SYT3: variants seen among roughly 807,000 people sequenced by gnomAD.
SYT3 encodes the protein synaptotagmin 3, also known as synaptotagmin-3.
A neutral mutation model predicts 50.6 loss-of-function variants in SYT3; 25 were observed. The observed-to-expected ratio is 0.49, with a 90% CI of 0.36 to 0.69. SYT3 has a LOEUF of 0.69. Among genes scored for constraint, SYT3 ranks in the 30% least tolerant of loss-of-function variants. The probability of loss-of-function intolerance (pLI) is 0.00; values close to 1 mark genes in which losing one functional copy is unlikely to be tolerated. For synonymous variants in SYT3, 323 were observed against 353.9 expected (o/e 0.91, Z 0.98); for missense variants, 589 against 793.6 (o/e 0.74, Z 3.10).
chr19:50,649,501 C>T, the SYT3 span: 1 of 1,536,210 alleles, frequency 6.5e-7, no homozygotes, highest in Middle Eastern at 1.7e-4. Context: ...CCACCATGCA[C>T]AGGAAGGCAG....
chr19:50,650,187 G>A, the SYT3 span, among the ~76,000 whole-genome samples: 1 of 152,152 alleles, frequency 6.6e-6, no homozygotes, highest in South Asian at 2.1e-4. Context: ...TCACCTCTAG[G>A]ACAGAGACCC....
In SYT3 at chr19:50,637,166, A is replaced by G; in HGVS notation, c.148+98T>C. On this transcript the variant is annotated intron_variant, in intron 3 of 10. Coordinates refer to ENST00000600079, the MANE Select transcript of SYT3 (RefSeq NM_001160329.2). This position sits in a 1 kb window ranked among gnomAD's most constrained non-coding sequence, Gnocchi z 4.9. ...GAATGGGGGCAAGACGCTACGAGGG[A>G]CTGACCCCACAAGCAATGGAAAGCT... 1 of 1,438,702 alleles carries G rather than the reference A, an allele frequency of 7.0e-7. No homozygotes were observed. The highest frequency in any genetic ancestry group is 9.6e-7 in the Non-Finnish European group (1 of 1,047,088). 89.1% of individuals were successfully genotyped at this position (1,438,702 alleles called of 1,614,324 possible).
chr19:50,657,211 C>T, the SYT3 span, among the ~76,000 whole-genome samples: 1 of 152,128 alleles, frequency 6.6e-6, no homozygotes, highest in Non-Finnish European at 1.5e-5. Flanking sequence ...TCAGCTAATC[C>T]GTGTAACTCT....
At chr19:50,635,186 G>A (rs1984456853) in intron 3 of SYT3, among the ~76,000 whole-genome samples, 1 of 152,122 alleles carries the variant, frequency 6.6e-6, no homozygotes, top group African/African-American at 2.4e-5. Flanking sequence ...GGGATTACAG[G>A]TGTGAGCCAC....
the SYT3 span, among the ~76,000 whole-genome samples, chr19:50,647,821 G>A: frequency 7.2e-5 from 11 of 152,164 alleles, no homozygotes; most frequent in African/African-American, 2.7e-4. Context: ...GGTCAGGTGT[G>A]CCTGTGGTCA....
chr19:50,652,966 T>G, the SYT3 span, among the ~76,000 whole-genome samples: 1 of 152,202 alleles, frequency 6.6e-6, no homozygotes, highest in Non-Finnish European at 1.5e-5. Flanking sequence ...GTGCTTCTGT[T>G]TCATCATGTG....
At chr19:50,641,448 C>T (rs1599823686), upstream of SYT3, among the ~76,000 whole-genome samples, 4 of 150,280 alleles carry the variant, frequency 2.7e-5, no homozygotes, top group Admixed American at 6.6e-5. Flanking sequence ...GGATTACAGA[C>T]GTGAGCCACC....
chr19:50,658,054 G>A, the SYT3 span: 1 of 1,536,068 alleles, frequency 6.5e-7, no homozygotes, highest in South Asian at 1.2e-5. Flanking sequence ...CAGGGGCCAT[G>A]GAGAGCGGGC....
rs1984527311 is a variant in SYT3, at chr19:50,637,311, T to C, written c.101A>G (p.Gln34Arg). The change falls in exon 3 of 11, where the codon CAG becomes CGG. Residue 34 changes from glutamine (Q) to arginine (R), a missense_variant. By Grantham distance (43) the Gln-to-Arg change is conservative (BLOSUM62 1). Coordinates refer to ENST00000600079, the MANE Select transcript of SYT3 (RefSeq NM_001160329.2). The surrounding 1 kb of genome is among the most constrained non-coding windows in gnomAD (Gnocchi z 4.9). Reference sequence around the variant, plus strand: ...GCCTCGGATTCGGTCATTGAACTCCTGGCACCTGTCGTTGGTGTCAGCATC... The same window carrying C: ...GCCTCGGATTCGGTCATTGAACTCCCGGCACCTGTCGTTGGTGTCAGCATC... ...VRDADTNDRCQEFNDRIRGYP... is the reference protein window; with the variant it reads ...VRDADTNDRCREFNDRIRGYP... 1 of 1,613,600 alleles carries C rather than the reference T, an allele frequency of 6.2e-7. No individual in the cohort carries two copies.
intron 6 of SYT3, among the ~76,000 whole-genome samples, chr19:50,627,330 C>T (rs977811393): frequency 6.6e-6 from 1 of 152,200 alleles, no homozygotes; most frequent in Non-Finnish European, 1.5e-5. Context: ...TCCCCATAAC[C>T]CTGGCCCCTG....
At position 50,637,367 on chromosome 19, in the gene SYT3, G is replaced by C. The variant is rs1599821023; in HGVS notation, c.45C>G (p.Ile15Met). The C allele has an allele frequency of 6.2e-7, 1 of 1,610,704 alleles. No homozygotes were observed. Among genetic ancestry groups the C allele is most frequent in the East Asian group, 2.2e-5 (1 of 44,800 alleles). The change falls in exon 3 of 11, where the codon ATC becomes ATG. Residue 15 changes from isoleucine (I) to methionine (M), a missense_variant. Around this residue, in one of 2 missense-constraint regions of SYT3, gnomAD observed 316 missense variants for 354.3 expected, o/e 0.89. Coordinates refer to ENST00000600079, the MANE Select transcript of SYT3 (RefSeq NM_001160329.2). The surrounding 1 kb of genome is among the most constrained non-coding windows in gnomAD (Gnocchi z 4.9). ...YEDDLCRRAL[I>M]LVSDLCARVR... The stretch of plus-strand genomic sequence containing the variant: ...CCCGCGCACAGAGGTCCGAGACCAG[G>C]ATGAGTGCCCGCCGGCAGAGGTCAT...
In SYT3 at chr19:50,632,138, G is replaced by A. The variant is rs1334122608; in HGVS notation, c.674+148C>T. On this transcript the variant is annotated intron_variant, in intron 4 of 10. Coordinates refer to ENST00000600079, the MANE Select transcript of SYT3 (RefSeq NM_001160329.2). This position sits in a 1 kb window ranked among gnomAD's most constrained non-coding sequence, Gnocchi z 4.7. ...ACCTCCCTCAGATCCAGGAGTCTAGGGCCCCAGCCTCCTCTTTCCCTAAGA... is the reference window on the plus strand; with the variant it reads ...ACCTCCCTCAGATCCAGGAGTCTAGAGCCCCAGCCTCCTCTTTCCCTAAGA... 5.6e-6 allele frequency: 5 copies of A among 897,628 alleles called. No homozygotes were observed. The highest frequency in any genetic ancestry group is 2.4e-5 in the South Asian group (1 of 42,150). The allele number at this position is 897,628 out of a possible 1,614,324, so 55.6% of individuals were successfully genotyped here. A position where few individuals can be genotyped will look rare whatever the true frequency, so the allele number is the denominator to read the frequency against.
rs753731210 is a variant in SYT3 at position 50,625,180 on chromosome 19, G to C, written c.1689C>G (p.His563Gln). ...MLANPRKPVE[H>Q]WHQLVEEKTV... Reference sequence around the variant, plus strand: ...TACTCACCTCCACTAGCTGATGCCAGTGCTCCACGGGCTTGCGGGGATTGG... The same window carrying C: ...TACTCACCTCCACTAGCTGATGCCACTGCTCCACGGGCTTGCGGGGATTGG... The change falls in exon 9 of 11, where the codon CAC becomes CAG. Residue 563 changes from histidine to glutamine, a missense_variant. Transcript: ENST00000600079. The surrounding 1 kb of genome is among the most constrained non-coding windows in gnomAD (Gnocchi z 7.5). 6 of 1,601,104 alleles carry C rather than the reference G, an allele frequency of 3.7e-6. No individual in the cohort carries two copies. In the South Asian group the frequency reaches 5.5e-5, roughly 15 times the overall value.
chr19:50,650,263 G>A, the SYT3 span, among the ~76,000 whole-genome samples: 1 of 152,158 alleles, frequency 6.6e-6, no homozygotes, highest in Non-Finnish European at 1.5e-5. Context: ...CAGGCTCCTA[G>A]CCCAGCACTT....
At chr19:50,646,592 A>C in the SYT3 span, among the ~76,000 whole-genome samples, 1 of 152,062 alleles carries the variant, frequency 6.6e-6, no homozygotes, top group Non-Finnish European at 1.5e-5. Context: ...AGGTCTGGAG[A>C]AGGAGCAGAT....
chr19:50,626,541 C>A, intron 6 of SYT3, among the ~76,000 whole-genome samples: 2 of 130,768 alleles, frequency 1.5e-5, no homozygotes, highest in Admixed American at 7.9e-5. Flanking sequence ...GGACAGAGAC[C>A]CAGAGAGAGA....
chr19:50,629,333 A>G lies in SYT3; in HGVS notation c.1242T>C (p.Pro414=). The change falls in exon 6 of 11, where the codon CCT becomes CCC. Residue 414 remains proline (P), a synonymous_variant. Transcript: ENST00000600079. ...CGATGTCCCTCCAGAGCGGGCGGTC[A>G]GGGGGCTGCTCGGCCAGCTCCAGGA... ...DNLLELAEQP[P]DRPLWRDIVE... 6.2e-7 allele frequency: 1 copy of G among 1,612,800 alleles called. No homozygotes were observed. The highest frequency in any genetic ancestry group is 8.5e-7 in the Non-Finnish European group (1 of 1,179,362).
chr19:50,625,767 CT>C lies in SYT3; in HGVS notation c.1402+129del. On this transcript the variant is annotated intron_variant, in intron 7 of 10. Coordinates refer to ENST00000600079, the MANE Select transcript of SYT3 (RefSeq NM_001160329.2). This position sits in a 1 kb window ranked among gnomAD's most constrained non-coding sequence, Gnocchi z 7.5. ...AGTCCAGGCCCCTGGCCCCTCCTCC[CT>C]CAGACCCAGGAGTCCAGATCCCCAG... is the stretch of plus-strand genomic sequence containing the variant. 1.3e-4 allele frequency: 104 copies of C among 776,432 alleles called. 11 individuals are homozygous for C. Among genetic ancestry groups the C allele is most frequent in the South Asian group, 2.0e-4 (12 of 59,154 alleles). 48.1% of individuals were successfully genotyped at this position (776,432 alleles called of 1,614,324 possible).
the SYT3 span, among the ~76,000 whole-genome samples, chr19:50,655,244 G>A: frequency 6.6e-6 from 1 of 152,144 alleles, no homozygotes; most frequent in African/African-American, 2.4e-5. Flanking sequence ...CTAGCACTTG[G>A]CCATAAGAGA....
Sources: gnomAD v4.1 joint callset for allele counts (sites outside exome capture counted in the v4.1 genomes callset) on GRCh38, gnomAD v4.1.1 for gene constraint, gnomAD v4.1.1 regional missense constraint, Gnocchi (gnomAD v3.1) non-coding constraint, MANE v1.5 for transcripts, NCBI Gene and HGNC (gene_info 2026-07-23, HGNC 2026-07-21) for gene names.